Variants in OPCML observed in about 807,000 individuals in gnomAD.
OPCML encodes opioid-binding protein/cell adhesion molecule.
In OPCML, 13 loss-of-function variants were observed where a neutral mutation model predicts 37.8. That is an observed-to-expected ratio of 0.34 (90% CI 0.22 to 0.55). The LOEUF is 0.55. OPCML is among the 20% of genes least tolerant of loss of function. The pLI is 0.91. For missense variants in OPCML, 341 were observed against 435.6 expected, an observed-to-expected ratio of 0.78 and a Z score of 1.93; for synonymous variants, 176 against 168.8, an observed-to-expected ratio of 1.04 and a Z score of -0.33.
At chr11:132,871,828 T>G (rs1942805485) in intron 2 of OPCML, among the ~76,000 whole-genome samples, 1 of 152,262 alleles carries the variant, frequency 6.6e-6, no homozygotes, top group Non-Finnish European at 1.5e-5. Flanking sequence ...CATGGAGATC[T>G]CATCAATGTA....
chr11:133,449,075 T>C (rs866417466), intron 1 of OPCML, among the ~76,000 whole-genome samples: 1 of 152,204 alleles, frequency 6.6e-6, no homozygotes, highest in South Asian at 2.1e-4. Context: ...CTTCACATGT[T>C]CATGATTATT....
At chr11:133,004,009 G>T (rs552610750) in intron 1 of OPCML, 2 of 985,294 alleles carry the variant, frequency 2.0e-6, no homozygotes, top group Admixed American at 6.2e-5. Flanking sequence ...AGTGGCACAC[G>T]TCTCTCACCG....
At chr11:133,166,865 T>C (rs1301356284) in intron 1 of OPCML, among the ~76,000 whole-genome samples, 1 of 152,246 alleles carries the variant, frequency 6.6e-6, no homozygotes, top group African/African-American at 2.4e-5. Context: ...CAATGAGTAT[T>C]GGCATTGTGT....
chr11:132,735,543 G>C (rs1047308654), intron 2 of OPCML, among the ~76,000 whole-genome samples: 1 of 152,106 alleles, frequency 6.6e-6, no homozygotes, highest in Non-Finnish European at 1.5e-5. Context: ...CTGGAGTGCA[G>C]TGGTGCAATC....
chr11:133,042,167 T>G (rs1331641352), intron 1 of OPCML, among the ~76,000 whole-genome samples: 2 of 152,196 alleles, frequency 1.3e-5, no homozygotes, highest in Non-Finnish European at 2.9e-5. Context: ...GGCAGGCTCC[T>G]GGCACTGCAC....
chr11:133,125,472 A>G (rs1190350169), intron 1 of OPCML, among the ~76,000 whole-genome samples: 2 of 151,696 alleles, frequency 1.3e-5, no homozygotes, highest in Non-Finnish European at 2.9e-5. Flanking sequence ...CAAGATATTT[A>G]TATCATCATT....
chr11:133,490,763 A>T (rs1243644284), intron 1 of OPCML, among the ~76,000 whole-genome samples: 1 of 152,136 alleles, frequency 6.6e-6, no homozygotes, highest in Middle Eastern at 3.2e-3. Context: ...CCATAATCCT[A>T]CATCAGCAGA....
At chr11:133,483,769 G>A (rs1271016001) in intron 1 of OPCML, among the ~76,000 whole-genome samples, 4 of 120,370 alleles carry the variant, frequency 3.3e-5, no homozygotes, top group Non-Finnish European at 6.4e-5. Flanking sequence ...GAGAAAAAGA[G>A]ATTTATAGAT....
chr11:133,068,895 G>A (rs554988770), intron 1 of OPCML, among the ~76,000 whole-genome samples: 6 of 152,238 alleles, frequency 3.9e-5, no homozygotes, highest in East Asian at 1.9e-4. Flanking sequence ...AGGTGGCGTC[G>A]GTCGAAAATC....
chr11:132,663,258 A>G (rs1309558145), intron 2 of OPCML, among the ~76,000 whole-genome samples: 5 of 152,234 alleles, frequency 3.3e-5, no homozygotes, highest in Non-Finnish European at 4.4e-5. Context: ...TAGGTCATCA[A>G]TACATATTTA....
At chr11:132,993,052 C>G (rs1484043171) in intron 1 of OPCML, among the ~76,000 whole-genome samples, 1 of 151,814 alleles carries the variant, frequency 6.6e-6, no homozygotes, top group Non-Finnish European at 1.5e-5. Context: ...CCAGGCTCCT[C>G]TGCAGATCCA....
At chr11:132,991,151 G>A (rs552269521) in intron 1 of OPCML, among the ~76,000 whole-genome samples, 8 of 152,226 alleles carry the variant, frequency 5.3e-5, no homozygotes, top group South Asian at 2.1e-4. Flanking sequence ...CTGCCAAAGC[G>A]TCACACAAGG....
intron 7 of OPCML, among the ~76,000 whole-genome samples, 198 bp downstream of exon 7, chr11:132,435,888 A>T (rs1416816499): frequency 6.7e-6 from 1 of 149,894 alleles, no homozygotes; most frequent in Non-Finnish European, 1.5e-5. Context: ...TTTAATGACC[A>T]TGAAATATCA....
At chr11:133,260,875 T>A (rs1250947696) in intron 1 of OPCML, among the ~76,000 whole-genome samples, 1 of 59,992 alleles carries the variant, frequency 1.7e-5, no homozygotes, top group Non-Finnish European at 3.2e-5. Flanking sequence ...GTACATAGAT[T>A]TTTTTTTTTC....
At chr11:132,434,896 T>G (rs1377301928) in intron 7 of OPCML, among the ~76,000 whole-genome samples, 1 of 152,176 alleles carries the variant, frequency 6.6e-6, no homozygotes, top group South Asian at 2.1e-4. Flanking sequence ...TTTTCAAAGA[T>G]GACCAAATAT....
chr11:132,747,311 A>G (rs1168415277), intron 2 of OPCML, among the ~76,000 whole-genome samples: 4 of 152,184 alleles, frequency 2.6e-5, no homozygotes, highest in Non-Finnish European at 5.9e-5. Context: ...GTCATGAACA[A>G]CCGTGTAAAA....
At chr11:133,279,059 T>C (rs75974668) in intron 1 of OPCML, among the ~76,000 whole-genome samples, 2,493 of 152,310 alleles carry the variant, frequency 0.016, 35 homozygotes, top group Non-Finnish European at 0.024. Context: ...CAGGGTCTTG[T>C]TCTCCAGACC....
At chr11:133,147,309 T>G (rs1191639489) in intron 1 of OPCML, among the ~76,000 whole-genome samples, 3 of 151,956 alleles carry the variant, frequency 2.0e-5, no homozygotes, top group Non-Finnish European at 2.9e-5. Context: ...AGGGAGGCAG[T>G]AGGTCATGGG....
chr11:133,398,826 G>T, intron 1 of OPCML, among the ~76,000 whole-genome samples: 1 of 151,414 alleles, frequency 6.6e-6, no homozygotes, highest in African/African-American at 2.4e-5. Context: ...TTCATCTCCC[G>T]GCCAGGGTCC....
Sources: gnomAD v4.1 joint callset for allele counts (sites outside exome capture counted in the v4.1 genomes callset) on GRCh38, gnomAD v4.1.1 for gene constraint, MANE v1.5 for transcripts, NCBI Gene and HGNC (gene_info 2026-07-23, HGNC 2026-07-21) for gene names.